Variants in NF1 observed in about 807,000 individuals in gnomAD.
The protein encoded by NF1 is neurofibromin.
Under a neutral mutation model 325.7 loss-of-function variants are expected in NF1, and 122 were observed. The observed-to-expected ratio is 0.37, with a 90% CI of 0.32 to 0.44. NF1 has a LOEUF of 0.44. Ranked by LOEUF, NF1 falls within the 20% of genes least tolerant of loss-of-function variation. The pLI is 1.00. For missense variants in NF1, 2,140 were observed against 3,415.4 expected, an observed-to-expected ratio of 0.63 and a Z score of 9.31; for synonymous variants, 1,091 against 1,186.0, an observed-to-expected ratio of 0.92 and a Z score of 1.65.
chr17:31,124,592 ATTTTTTTTT>A (rs35335433), intron 1 of NF1, among the ~76,000 whole-genome samples: 2 of 62,918 alleles, frequency 3.2e-5, no homozygotes, highest in Non-Finnish European at 5.8e-5. Context: ...GTATTCTTGA[ATTTTTTTTT>A]TTTTTTTTTT....
chr17:31,184,631 C>G (rs534755427), intron 8 of NF1, among the ~76,000 whole-genome samples: 8 of 135,486 alleles, frequency 5.9e-5, no homozygotes, highest in African/African-American at 2.1e-4. Context: ...GCCTGGGCGA[C>G]AGCGAGACTC....
At chr17:31,187,982 G>A (rs1170800091) in intron 8 of NF1, among the ~76,000 whole-genome samples, 8 of 152,298 alleles carry the variant, frequency 5.3e-5, no homozygotes, top group Admixed American at 2.6e-4. Context: ...ACTCCATAGC[G>A]GAGGTAAAGA....
intron 40 of NF1, among the ~76,000 whole-genome samples, chr17:31,335,935 G>A (rs990065334): frequency 1.4e-3 from 203 of 144,328 alleles, no homozygotes; most frequent in African/African-American, 4.8e-3. Flanking sequence ...CAAGCAATCC[G>A]CCCGCCTCAG....
At chr17:31,305,319 A>G in intron 36 of NF1, 1 of 1,614,190 alleles carries the variant, frequency 6.2e-7, no homozygotes, top group Non-Finnish European at 8.5e-7. Flanking sequence ...GTTGTCCAGC[A>G]GAAGTATGTG....
chr17:31,249,640 T>C (rs1484282533), intron 30 of NF1, among the ~76,000 whole-genome samples: 1 of 152,250 alleles, frequency 6.6e-6, no homozygotes, highest in Non-Finnish European at 1.5e-5. Flanking sequence ...GCATCATCAT[T>C]CAGACCAAAT....
At chr17:31,260,824 C>T (rs1470034069) in intron 34 of NF1, among the ~76,000 whole-genome samples, 1 of 152,068 alleles carries the variant, frequency 6.6e-6, no homozygotes, top group Admixed American at 6.6e-5. Flanking sequence ...TTCAGATTAG[C>T]GTTGGCATTT....
At chr17:31,217,685 C>T (rs1338432983) in intron 13 of NF1, among the ~76,000 whole-genome samples, 2 of 151,778 alleles carry the variant, frequency 1.3e-5, no homozygotes, top group Non-Finnish European at 2.9e-5. Flanking sequence ...AGGCATTCGG[C>T]AGGGCGTGGT....
At chr17:31,316,366 A>G (rs1389667779) in intron 36 of NF1, among the ~76,000 whole-genome samples, 1 of 152,242 alleles carries the variant, frequency 6.6e-6, no homozygotes, top group Non-Finnish European at 1.5e-5. Flanking sequence ...ATCATTGGAT[A>G]GTACCATTCT....
intron 11 of NF1, among the ~76,000 whole-genome samples, chr17:31,204,804 A>G (rs2066591766): frequency 6.6e-6 from 1 of 152,126 alleles, no homozygotes; most frequent in Non-Finnish European, 1.5e-5. Context: ...GTACTTTGTT[A>G]TTATTCAGCT....
intron 51 of NF1, among the ~76,000 whole-genome samples, chr17:31,353,028 C>G (rs2070190200): frequency 1.3e-5 from 2 of 152,174 alleles, no homozygotes; most frequent in East Asian, 3.9e-4. Flanking sequence ...CCTGCCTCAT[C>G]CTCCCTAGTA....
chr17:31,130,074 GT>G (rs201697638), intron 1 of NF1, among the ~76,000 whole-genome samples: 1 of 129,330 alleles, frequency 7.7e-6, no homozygotes, highest in Non-Finnish European at 1.7e-5. Flanking sequence ...TGAAGTCGCT[GT>G]TTTTTTTTGT....
At chr17:31,370,396 AAC>A (rs2070612570) in intron 57 of NF1, among the ~76,000 whole-genome samples, 1 of 152,220 alleles carries the variant, frequency 6.6e-6, no homozygotes, top group Non-Finnish European at 1.5e-5. Context: ...ACTGTTTATT[AAC>A]ATTTTGGTGC....
intron 3 of NF1, among the ~76,000 whole-genome samples, chr17:31,160,191 T>G (rs996739468): frequency 6.6e-6 from 1 of 152,200 alleles, no homozygotes; most frequent in African/African-American, 2.4e-5. Flanking sequence ...GTTCAAGCTA[T>G]TCTCATGCCT....
At chr17:31,282,738 G>A (rs536450163) in intron 36 of NF1, among the ~76,000 whole-genome samples, 1 of 152,152 alleles carries the variant, frequency 6.6e-6, no homozygotes, top group East Asian at 1.9e-4. Context: ...CAATATATAA[G>A]CGTTTGTGTG....
intron 1 of NF1, among the ~76,000 whole-genome samples, chr17:31,115,600 C>T (rs1693524474): frequency 6.6e-6 from 1 of 152,206 alleles, no homozygotes; most frequent in African/African-American, 2.4e-5. Context: ...AGTGAGTCTT[C>T]AGTAGTCCAT....
intron 47 of NF1, among the ~76,000 whole-genome samples, chr17:31,341,458 G>A (rs1370239098): frequency 6.6e-6 from 1 of 152,074 alleles, no homozygotes; most frequent in Admixed American, 6.6e-5. Flanking sequence ...GGGAGGCAGA[G>A]GTTGCAGTGA....
At chr17:31,368,743 CATAG>C (rs1555538053) in intron 57 of NF1, among the ~76,000 whole-genome samples, 2 of 152,188 alleles carry the variant, frequency 1.3e-5, no homozygotes, top group Non-Finnish European at 2.9e-5. Flanking sequence ...AAATTCTTCA[CATAG>C]ATTATTTTGT....
chr17:31,228,646 T>G (rs923142122), intron 20 of NF1, among the ~76,000 whole-genome samples: 1 of 152,068 alleles, frequency 6.6e-6, no homozygotes, highest in Non-Finnish European at 1.5e-5. Context: ...CCCCAACGTC[T>G]CTAGCCCTAG....
chr17:31,277,651 T>C (rs1389798526), intron 36 of NF1, among the ~76,000 whole-genome samples: 1 of 151,940 alleles, frequency 6.6e-6, no homozygotes, highest in African/African-American at 2.4e-5. Flanking sequence ...AGCGGAAGAT[T>C]AGGGAGAAGA....
Sources: allele counts gnomAD v4.1 joint callset (sites outside exome capture counted in the v4.1 genomes callset), GRCh38; gene constraint gnomAD v4.1.1; transcripts MANE v1.5; gene names NCBI Gene and HGNC (gene_info 2026-07-23, HGNC 2026-07-21).